The following TULP4 variants were observed in gnomAD, a reference collection of about 807,000 sequenced individuals.
TULP4 encodes the protein tubby-related protein 4.
Under a neutral mutation model 129.0 loss-of-function variants are expected in TULP4, and 16 were observed. That is an observed-to-expected ratio of 0.12 (90% CI 0.08 to 0.19). The LOEUF (loss-of-function observed/expected upper bound fraction) is 0.19. Among genes scored for constraint, TULP4 ranks in the 10% least tolerant of loss-of-function variants. The pLI is 1.00. For missense variants in TULP4, 1,842 were observed against 2,059.1 expected (o/e 0.89, Z 2.04); for synonymous variants, 998 against 854.0 (o/e 1.17, Z -2.94).
At chr6:158,440,172 T>C (rs1778854080) in intron 3 of TULP4, among the ~76,000 whole-genome samples, 1 of 151,436 alleles carries the variant, frequency 6.6e-6, no homozygotes, top group Non-Finnish European at 1.5e-5. Flanking sequence ...ATACAAAAAT[T>C]ATCCGGGTGT....
At chr6:158,311,913 TC>T (rs1433983564), upstream of TULP4, 1 of 389,574 alleles carries the variant, frequency 2.6e-6, no homozygotes, top group Admixed American at 4.4e-5. Flanking sequence ...ATTTTACCAT[TC>T]AGTGCAGTCA....
chr6:158,239,964 C>T (rs1777833012), intron 1 of TULP4, among the ~76,000 whole-genome samples: 1 of 100,658 alleles, frequency 9.9e-6, no homozygotes, highest in African/African-American at 3.2e-5. Flanking sequence ...CACCTCCCTC[C>T]CGGACGGGGC....
intron 1 of TULP4, among the ~76,000 whole-genome samples, chr6:158,291,645 C>T (rs1044798047): frequency 2.0e-5 from 3 of 151,998 alleles, no homozygotes; most frequent in Non-Finnish European, 4.4e-5. Context: ...TTTCTCTGTT[C>T]TGTCCCTTTA....
chr6:158,480,457 G>A (rs1779914840), intron 7 of TULP4, among the ~76,000 whole-genome samples: 1 of 152,228 alleles, frequency 6.6e-6, no homozygotes. Context: ...TCTCAGCACT[G>A]CTGAGGAGGG....
chr6:158,387,279 G>C (rs796587138), intron 1 of TULP4, among the ~76,000 whole-genome samples: 12 of 152,240 alleles, frequency 7.9e-5, no homozygotes, highest in African/African-American at 2.9e-4. Flanking sequence ...AACTGGTAGA[G>C]GCCTTAAGTA....
chr6:158,331,265 C>A (rs2128492005), intron 1 of TULP4, among the ~76,000 whole-genome samples: 1 of 152,300 alleles, frequency 6.6e-6, no homozygotes, highest in East Asian at 1.9e-4. Context: ...CCACTACTCC[C>A]TCCATGAGTA....
intron 1 of TULP4, among the ~76,000 whole-genome samples, chr6:158,376,000 G>A (rs376038267): frequency 1.3e-5 from 2 of 152,232 alleles, no homozygotes; most frequent in Non-Finnish European, 2.9e-5. Context: ...GGGATTTCAG[G>A]TCAGGGAAGA....
chr6:158,428,727 G>A (rs988164950), intron 2 of TULP4, among the ~76,000 whole-genome samples: 6 of 152,104 alleles, frequency 3.9e-5, no homozygotes, highest in Non-Finnish European at 8.8e-5. Flanking sequence ...AACAGACTCT[G>A]ATGGAGAATC....
At chr6:158,290,911 G>A (rs573891036) in intron 1 of TULP4, among the ~76,000 whole-genome samples, 10 of 152,274 alleles carry the variant, frequency 6.6e-5, no homozygotes, top group African/African-American at 2.4e-4. Flanking sequence ...GCTGCCTACC[G>A]GATAGTGTCG....
At chr6:158,377,933 G>A (rs139732986) in intron 1 of TULP4, among the ~76,000 whole-genome samples, 39 of 152,258 alleles carry the variant, frequency 2.6e-4, no homozygotes, top group African/African-American at 6.7e-4. Context: ...TGAGCTAGGC[G>A]GTTCTTACAC....
chr6:158,327,198 A>T (rs1194696151), intron 1 of TULP4, among the ~76,000 whole-genome samples: 1 of 152,222 alleles, frequency 6.6e-6, no homozygotes, highest in East Asian at 1.9e-4. Context: ...ATTGACTATT[A>T]TTACTCTAGG....
intron 1 of TULP4, among the ~76,000 whole-genome samples, chr6:158,264,307 G>T (rs1778408309): frequency 6.6e-6 from 1 of 152,118 alleles, no homozygotes; most frequent in African/African-American, 2.4e-5. Context: ...ACTTCAATTT[G>T]AAGAAAGATT....
Position 158,489,711 on chromosome 6 carries a change from G to A in TULP4, c.1610G>A (p.Ser537Asn), listed in dbSNP as rs61742077. 10,398 of 1,614,184 alleles carry A rather than the reference G, an allele frequency of 6.4e-3. 57 individuals carry two copies. Among genetic ancestry groups the A allele is most frequent in the Middle Eastern group, 0.011 (66 of 6,062 alleles). ...AAATCTCCCAAAATCTCCAGAGCTA[G>A]CAAATCACCCAAACTCCCAAGGTAA... ...AKKSPKISRA[S>N]KSPKLPRISI... The change falls in exon 9 of 14, where the codon AGC becomes AAC. Residue 537 changes from serine (S) to asparagine (N), a missense_variant. Ser to Asn is a conservative substitution (Grantham distance 46). Coordinates refer to ENST00000367097, the MANE Select transcript of TULP4 (RefSeq NM_020245.5).
intron 6 of TULP4, among the ~76,000 whole-genome samples, chr6:158,471,021 TAAGC>T (rs958763545): frequency 2.6e-5 from 4 of 151,738 alleles, no homozygotes; most frequent in African/African-American, 7.3e-5. Context: ...AAAGAAGAAA[TAAGC>T]AAGAAAAAGT....
intron 1 of TULP4, among the ~76,000 whole-genome samples, chr6:158,292,541 C>T (rs1483859404): frequency 1.3e-5 from 2 of 152,112 alleles, no homozygotes; most frequent in Non-Finnish European, 2.9e-5. Flanking sequence ...CCTTTCAGAG[C>T]ATTGTGGAAG....
chr6:158,246,023 G>GGTGTGGGGGTGTGTGT (rs1554273658), intron 1 of TULP4, among the ~76,000 whole-genome samples: 2 of 145,822 alleles, frequency 1.4e-5, no homozygotes, highest in Non-Finnish European at 3.0e-5. Context: ...ACCCCTTAGG[G>GGTGTGGGGGTGTGTGT]GTGTGTGTGT....
intron 1 of TULP4, among the ~76,000 whole-genome samples, chr6:158,355,574 A>G (rs1780628031): frequency 6.6e-6 from 1 of 152,264 alleles, no homozygotes. Context: ...GGAGGGGAGG[A>G]GGGACTGGGA....
chr6:158,239,593 C>A (rs1450831051), intron 1 of TULP4, among the ~76,000 whole-genome samples: 2 of 52,860 alleles, frequency 3.8e-5, no homozygotes, highest in African/African-American at 1.3e-4. Flanking sequence ...GGGGGGCTGA[C>A]CCCCCCCACC....
intron 1 of TULP4, among the ~76,000 whole-genome samples, chr6:158,296,655 C>G (rs1471821741): frequency 6.6e-6 from 1 of 151,398 alleles, no homozygotes; most frequent in African/African-American, 2.4e-5. Flanking sequence ...TAGGTTCTTT[C>G]TATTTTCCCT....
Sources: gnomAD v4.1 joint callset for allele counts (sites outside exome capture counted in the v4.1 genomes callset) on GRCh38, gnomAD v4.1.1 for gene constraint, MANE v1.5 for transcripts, NCBI Gene and HGNC (gene_info 2026-07-23, HGNC 2026-07-21) for gene names.